Variants in PACS1 observed in about 807,000 individuals in gnomAD.
PACS1 encodes the protein PACS-1.
A neutral mutation model predicts 115.0 loss-of-function variants in PACS1; 24 were observed. The ratio of observed to expected loss-of-function variants is 0.21; its 90% confidence interval spans 0.15 to 0.29. The LOEUF is 0.29. Among genes scored for constraint, PACS1 ranks in the 10% least tolerant of loss-of-function variants. The pLI, the probability that PACS1 is intolerant of heterozygous loss-of-function variation, is 1.00. For synonymous variants in PACS1, 453 were observed against 504.5 expected, an observed-to-expected ratio of 0.90 and a Z score of 1.37; for missense variants, 838 against 1,251.2, an observed-to-expected ratio of 0.67 and a Z score of 4.98.
chr11:66,182,171 CAG>C (rs1408496573), intron 1 of PACS1, among the ~76,000 whole-genome samples: 9 of 152,264 alleles, frequency 5.9e-5, no homozygotes, highest in African/African-American at 1.7e-4. Flanking sequence ...AAGGAGATTG[CAG>C]AGAGAGATAG....
intron 1 of PACS1, among the ~76,000 whole-genome samples, chr11:66,142,779 A>C (rs1859027405): frequency 6.6e-6 from 1 of 152,010 alleles, no homozygotes; most frequent in Admixed American, 6.6e-5. Flanking sequence ...AGAGGGAAGA[A>C]GGTTCAACCT....
At chr11:66,083,398 A>G (rs1857519957) in intron 1 of PACS1, among the ~76,000 whole-genome samples, 1 of 152,248 alleles carries the variant, frequency 6.6e-6, no homozygotes, top group Non-Finnish European at 1.5e-5. Flanking sequence ...AAAAGTATAA[A>G]AAGAATGGCC....
At chr11:66,213,696 C>A (rs1055518553) in intron 4 of PACS1, among the ~76,000 whole-genome samples, 1 of 152,198 alleles carries the variant, frequency 6.6e-6, no homozygotes, top group Non-Finnish European at 1.5e-5. Flanking sequence ...CTTTTTATAG[C>A]TTTTCTTTCT....
At chr11:66,131,136 G>A (rs1858692299) in intron 1 of PACS1, among the ~76,000 whole-genome samples, 1 of 152,134 alleles carries the variant, frequency 6.6e-6, no homozygotes, top group African/African-American at 2.4e-5. Context: ...TTACGAACTT[G>A]TACAAGAGTT....
intron 1 of PACS1, among the ~76,000 whole-genome samples, chr11:66,162,443 G>A (rs1859513041): frequency 6.6e-6 from 1 of 152,156 alleles, no homozygotes; most frequent in African/African-American, 2.4e-5. Context: ...TAAGAGGAAG[G>A]AGAGAGAGTT....
chr11:66,231,707 T>C (rs1855598306), intron 13 of PACS1: 3 of 173,956 alleles, frequency 1.7e-5, no homozygotes, highest in African/African-American at 4.8e-5. Flanking sequence ...TCACTGTTCC[T>C]GAAATACCTT....
At chr11:66,074,558 GATT>G (rs1857362184) in intron 1 of PACS1, among the ~76,000 whole-genome samples, 1 of 152,194 alleles carries the variant, frequency 6.6e-6, no homozygotes, top group Admixed American at 6.5e-5. Context: ...GCATAAAAGT[GATT>G]ATTAAGAGAT....
chr11:66,105,132 A>G (rs1858005545), intron 1 of PACS1, among the ~76,000 whole-genome samples: 1 of 152,194 alleles, frequency 6.6e-6, no homozygotes, highest in Non-Finnish European at 1.5e-5. Flanking sequence ...AGTTAAAACT[A>G]GTAATTATGG....
chr11:66,072,227 T>G (rs776451755), intron 1 of PACS1, among the ~76,000 whole-genome samples: 2 of 152,188 alleles, frequency 1.3e-5, no homozygotes, highest in Non-Finnish European at 2.9e-5. Context: ...CCATGTGGTA[T>G]GGTAGCCATA....
chr11:66,111,781 C>T (rs1462918780), intron 1 of PACS1, among the ~76,000 whole-genome samples: 4 of 152,180 alleles, frequency 2.6e-5, no homozygotes, highest in African/African-American at 4.8e-5. Flanking sequence ...TCCCTAGGTG[C>T]TGGGATCACA....
intron 1 of PACS1, among the ~76,000 whole-genome samples, chr11:66,169,197 T>G (rs753459895): frequency 1.7e-4 from 26 of 150,664 alleles, no homozygotes; most frequent in Non-Finnish European, 7.3e-5. Context: ...GTATCTTTTA[T>G]GTCAAGGAAT....
At chr11:66,121,112 G>T (rs560396429) in intron 1 of PACS1, 85 of 454,336 alleles carry the variant, frequency 1.9e-4, no homozygotes, top group South Asian at 1.3e-3. Context: ...TGCTTACTTT[G>T]TATCTCTGTG....
At chr11:66,232,328 C>G in intron 14 of PACS1, 52 bp downstream of exon 14, 1 of 1,054,170 alleles carries the variant, frequency 9.5e-7, no homozygotes, top group Non-Finnish European at 1.5e-6. Flanking sequence ...CAGGCAATGC[C>G]CGGTTGCATT....
intron 1 of PACS1, among the ~76,000 whole-genome samples, chr11:66,073,839 C>T (rs1857352376): frequency 6.6e-6 from 1 of 151,582 alleles, no homozygotes; most frequent in Non-Finnish European, 1.5e-5. Flanking sequence ...CTGCAGCCTC[C>T]AACTCCTGGG....
chr11:66,190,004 A>C (rs1050089346), intron 1 of PACS1, among the ~76,000 whole-genome samples: 3 of 152,238 alleles, frequency 2.0e-5, no homozygotes, highest in Non-Finnish European at 4.4e-5. Flanking sequence ...GACGTGCTGC[A>C]GCTCTAAGAC....
chr11:66,223,182 T>C (rs2134723115), intron 10 of PACS1, among the ~76,000 whole-genome samples: 1 of 151,706 alleles, frequency 6.6e-6, no homozygotes, highest in East Asian at 1.9e-4. Context: ...AACTTTCACC[T>C]CCCGGGTGCC....
At chr11:66,220,006 C>G (rs1474059764) in intron 8 of PACS1, among the ~76,000 whole-genome samples, 1 of 152,056 alleles carries the variant, frequency 6.6e-6, no homozygotes, top group African/African-American at 2.4e-5. Flanking sequence ...AGAGGCTATG[C>G]ACACAACGCA....
intron 1 of PACS1, among the ~76,000 whole-genome samples, chr11:66,175,020 A>G (rs897914359): frequency 6.6e-6 from 1 of 152,110 alleles, no homozygotes; most frequent in Non-Finnish European, 1.5e-5. Flanking sequence ...GCGTGGTCGC[A>G]GACGCCTGTA....
At chr11:66,240,144 C>T (rs1855781850) in intron 21 of PACS1, among the ~76,000 whole-genome samples, 3 of 152,256 alleles carry the variant, frequency 2.0e-5, no homozygotes, top group Non-Finnish European at 4.4e-5. Flanking sequence ...AGTGAGGCAG[C>T]CCTGCTGAGG....
Sources: gnomAD v4.1 joint callset for allele counts (sites outside exome capture counted in the v4.1 genomes callset) on GRCh38, gnomAD v4.1.1 for gene constraint, MANE v1.5 for transcripts, NCBI Gene and HGNC (gene_info 2026-07-23, HGNC 2026-07-21) for gene names.